BABAM2: variants seen among roughly 807,000 people sequenced by gnomAD.
The protein encoded by BABAM2 is BRISC and BRCA1-A complex member 2.
A neutral mutation model predicts 54.7 loss-of-function variants in BABAM2; 31 were observed. That is an observed-to-expected ratio of 0.57 (90% confidence interval 0.43 to 0.77). BABAM2 has a LOEUF of 0.77. Ranked by LOEUF, BABAM2 falls within the 30% of genes least tolerant of loss-of-function variation. The probability of loss-of-function intolerance (pLI) is 0.00; values close to 1 mark genes in which losing one functional copy is unlikely to be tolerated. For missense variants in BABAM2, 364 were observed against 455.8 expected (o/e 0.80, Z 1.83); for synonymous variants, 167 against 162.9 (o/e 1.03, Z -0.19).
intron 5 of BABAM2, among the ~76,000 whole-genome samples, chr2:28,041,091 T>C (rs1677066276): frequency 6.6e-6 from 1 of 152,238 alleles, no homozygotes; most frequent in Non-Finnish European, 1.5e-5. Context: ...GTCCAAGTGC[T>C]AAATATGTAA....
intron 2 of BABAM2, among the ~76,000 whole-genome samples, chr2:27,919,710 A>AT (rs1667217950): frequency 6.6e-6 from 1 of 152,172 alleles, no homozygotes; most frequent in Admixed American, 6.5e-5. Context: ...AAGTTAAAGG[A>AT]TTTTTTCCCG....
intron 7 of BABAM2, among the ~76,000 whole-genome samples, chr2:28,139,340 A>G (rs7597604): frequency 0.15 from 19,013 of 125,140 alleles, 1,581 homozygotes; most frequent in Non-Finnish European, 0.23. Context: ...AAAAAAAAAA[A>G]AAAAAGAAAA....
At chr2:28,282,663 G>A (rs1686461260) in intron 10 of BABAM2, among the ~76,000 whole-genome samples, 1 of 152,042 alleles carries the variant, frequency 6.6e-6, no homozygotes, top group African/African-American at 2.4e-5. Context: ...CACATTGTAG[G>A]TATTCAATAA....
At chr2:28,003,504 C>T (rs1234917625) in intron 4 of BABAM2, among the ~76,000 whole-genome samples, 5 of 152,140 alleles carry the variant, frequency 3.3e-5, no homozygotes, top group East Asian at 1.9e-4. Flanking sequence ...GTGGGAGAAT[C>T]GTTTGAGCCT....
chr2:28,000,030 C>G (rs548720073), intron 4 of BABAM2, among the ~76,000 whole-genome samples: 13 of 152,128 alleles, frequency 8.5e-5, no homozygotes, highest in Non-Finnish European at 1.9e-4. Flanking sequence ...CAAGACAGTA[C>G]AGAGAGCAGA....
At chr2:28,330,818 A>AT (rs939849936) in intron 11 of BABAM2, among the ~76,000 whole-genome samples, 1 of 152,254 alleles carries the variant, frequency 6.6e-6, no homozygotes, top group Non-Finnish European at 1.5e-5. Context: ...TCTTCACAGA[A>AT]TTTTTTTAAA....
chr2:28,028,457 G>C (rs555204642), intron 5 of BABAM2, among the ~76,000 whole-genome samples: 1 of 142,072 alleles, frequency 7.0e-6, no homozygotes. Context: ...ACCAGAGACC[G>C]CTGGGAGCCA....
intron 3 of BABAM2, among the ~76,000 whole-genome samples, chr2:27,972,042 T>G (rs1338291348): frequency 6.6e-6 from 1 of 152,176 alleles, no homozygotes; most frequent in Non-Finnish European, 1.5e-5. Context: ...AGGTTAAAAG[T>G]TCATTTAAAA....
At chr2:28,027,878 A>G (rs981339941) in intron 5 of BABAM2, among the ~76,000 whole-genome samples, 9 of 152,220 alleles carry the variant, frequency 5.9e-5, no homozygotes, top group South Asian at 4.1e-4. Context: ...TTTGCTCCAC[A>G]TGGTTTTTTT....
intron 6 of BABAM2, among the ~76,000 whole-genome samples, chr2:28,095,311 C>A (rs904179768): frequency 6.6e-6 from 1 of 152,144 alleles, no homozygotes; most frequent in African/African-American, 2.4e-5. Flanking sequence ...CTAGCCTATA[C>A]CTTCCCTGGC....
intron 2 of BABAM2, among the ~76,000 whole-genome samples, chr2:27,923,281 C>T (rs1667462274): frequency 6.6e-6 from 1 of 152,154 alleles, no homozygotes; most frequent in Admixed American, 6.5e-5. Context: ...CCATCATAGC[C>T]AAGTTTTCCT....
chr2:28,002,285 A>G (rs984635171), intron 4 of BABAM2, among the ~76,000 whole-genome samples: 1 of 152,146 alleles, frequency 6.6e-6, no homozygotes, highest in South Asian at 2.1e-4. Context: ...TGGTATCACA[A>G]AGTCTTGGAA....
chr2:28,229,836 C>T (rs952881349), intron 7 of BABAM2, among the ~76,000 whole-genome samples: 1 of 152,188 alleles, frequency 6.6e-6, no homozygotes, highest in Non-Finnish European at 1.5e-5. Context: ...GTCCACCTGC[C>T]TTGGCCTCCC....
chr2:28,178,280 A>T (rs1675232756), intron 7 of BABAM2, among the ~76,000 whole-genome samples: 1 of 152,178 alleles, frequency 6.6e-6, no homozygotes, highest in Non-Finnish European at 1.5e-5. Context: ...AATTTCTAAA[A>T]ATTGAAATTA....
chr2:28,276,446 G>A (rs1685888250), intron 10 of BABAM2, among the ~76,000 whole-genome samples: 2 of 152,140 alleles, frequency 1.3e-5, no homozygotes, highest in Admixed American at 1.3e-4. Context: ...AGCAAAATAT[G>A]CCTTTGTAAC....
At chr2:28,244,997 G>T in intron 10 of BABAM2, 135 bp downstream of exon 10, 1 of 645,694 alleles carries the variant, frequency 1.5e-6, no homozygotes, top group Non-Finnish European at 2.4e-6. Flanking sequence ...ATTTATTGTG[G>T]GATATTAAGG....
At position 28,332,273 on chromosome 2, in the gene BABAM2, C is replaced by T. The variant is rs367731302; in HGVS notation, c.1089-6177C>T. On this transcript the variant is annotated intron_variant, in intron 11 of 11. Transcript: ENST00000379624. ...CACTTTTATTATGTAGTAAACCTAA[C>T]GTCCTGCACGTGGATCCCGGAACTT... is the stretch of plus-strand genomic sequence containing the variant. 1.2e-4 allele frequency among the ~76,000 whole-genome samples: 19 copies of T among 152,220 alleles called. 1 individual carries two copies. The highest frequency in any genetic ancestry group is 9.8e-4 in the Admixed American group (15 of 15,300).
intron 11 of BABAM2, among the ~76,000 whole-genome samples, chr2:28,306,317 G>A (rs1688516701): frequency 6.6e-6 from 1 of 152,034 alleles, no homozygotes; most frequent in African/African-American, 2.4e-5. Context: ...ATTGAAAGGA[G>A]GTATTAACAT....
chr2:28,041,244 A>G (rs935755906), intron 5 of BABAM2, among the ~76,000 whole-genome samples: 3 of 152,196 alleles, frequency 2.0e-5, no homozygotes, highest in African/African-American at 7.2e-5. Flanking sequence ...AAAGTTTTCA[A>G]ATTGCATTTT....
Sources: gnomAD v4.1 joint callset for allele counts (sites outside exome capture counted in the v4.1 genomes callset) on GRCh38, gnomAD v4.1.1 for gene constraint, MANE v1.5 for transcripts, NCBI Gene and HGNC (gene_info 2026-07-23, HGNC 2026-07-21) for gene names.